The following BAZ1A variants were observed in gnomAD, a reference collection of about 807,000 sequenced individuals.
BAZ1A encodes the protein bromodomain adjacent to zinc finger domain 1A.
BAZ1A carries 50 observed loss-of-function variants against 185.2 expected under a neutral mutation model. That is an observed-to-expected ratio of 0.27 (90% confidence interval 0.22 to 0.34). The LOEUF is 0.34. Among genes scored for constraint, BAZ1A ranks in the 10% least tolerant of loss-of-function variants. BAZ1A has a pLI of 1.00. For missense variants in BAZ1A, 1,356 were observed against 1,839.9 expected, an observed-to-expected ratio of 0.74 and a Z score of 4.81; for synonymous variants, 571 against 615.6, an observed-to-expected ratio of 0.93 and a Z score of 1.07.
chr14:34,822,433 G>A (rs1460887286), intron 4 of BAZ1A, among the ~76,000 whole-genome samples: 2 of 152,148 alleles, frequency 1.3e-5, no homozygotes, highest in Non-Finnish European at 2.9e-5. Context: ...AAACCAGCCT[G>A]AGCAACATGA....
At chr14:34,826,541 AT>A (rs2042168014) in intron 3 of BAZ1A, among the ~76,000 whole-genome samples, 1 of 152,168 alleles carries the variant, frequency 6.6e-6, no homozygotes, top group Admixed American at 6.5e-5. Flanking sequence ...GCTGTATCCC[AT>A]AAATTTTGGT....
At chr14:34,835,140 C>A (rs2042308133) in intron 3 of BAZ1A, among the ~76,000 whole-genome samples, 1 of 151,864 alleles carries the variant, frequency 6.6e-6, no homozygotes, top group Admixed American at 6.5e-5. Context: ...CAGCTCACTG[C>A]AACCCCTGCC....
At position 34,872,941 on chromosome 14, in the gene BAZ1A, A is replaced by AAAAAAAAAAC. The variant is rs1555346584; in HGVS notation, c.113+1550_113+1551insGTTTTTTTTT. Among the ~76,000 whole-genome samples the AAAAAAAAAAC allele has an allele frequency of 3.3e-4, 41 of 122,676 alleles. 2 individuals are homozygous for AAAAAAAAAAC. The highest frequency in any genetic ancestry group is 1.2e-3 in the African/African-American group (38 of 30,814). The allele number at this position is 122,676 out of a possible 152,430, so 80.5% of individuals were successfully genotyped here. A position where few individuals can be genotyped will look rare whatever the true frequency, so the allele number is the denominator to read the frequency against. On this transcript the variant is annotated intron_variant, in intron 2 of 26. Coordinates refer to ENST00000360310, the MANE Select transcript of BAZ1A (RefSeq NM_013448.3). ...AAAAAAAAAAAAAAAAAAAAAAAAAACTTGTCCAATTACCTAATCCAAGTT... is the reference window on the plus strand; with the variant it reads ...AAAAAAAAAAAAAAAAAAAAAAAAAAAAAAAAAAACCTTGTCCAATTACCTAATCCAAGTT...
chr14:34,809,874 T>C lies in BAZ1A; in HGVS notation c.638+1061A>G, dbSNP rs747456960. On this transcript the variant is annotated intron_variant, in intron 5 of 26. Coordinates refer to ENST00000360310, the MANE Select transcript of BAZ1A (RefSeq NM_013448.3). ...AGGAAAATATCTGTAGTCTCAACAA[T>C]TGCTATTCATTAGCCCATAAACTAA... Among the ~76,000 whole-genome samples the C allele has an allele frequency of 7.9e-5, 12 of 152,280 alleles. No individual in the cohort carries two copies. In the South Asian group the frequency reaches 1.0e-3, roughly 13 times the overall value.
chr14:34,831,636 G>A (rs2042243596), intron 3 of BAZ1A, among the ~76,000 whole-genome samples: 1 of 152,096 alleles, frequency 6.6e-6, no homozygotes, highest in Admixed American at 6.6e-5. Flanking sequence ...AAACATAACT[G>A]GTTCCAAAGC....
chr14:34,855,916 A>C (rs2042668766), intron 3 of BAZ1A, among the ~76,000 whole-genome samples: 1 of 152,170 alleles, frequency 6.6e-6, no homozygotes, highest in Non-Finnish European at 1.5e-5. Flanking sequence ...AAAATAAATA[A>C]ATAAGTAAGT....
At chr14:34,868,693 C>T (rs2042900562) in intron 2 of BAZ1A, among the ~76,000 whole-genome samples, 1 of 151,744 alleles carries the variant, frequency 6.6e-6, no homozygotes, top group African/African-American at 2.4e-5. Context: ...CCTAGCTACT[C>T]GGGACGCTGA....
intron 3 of BAZ1A, among the ~76,000 whole-genome samples, chr14:34,839,694 T>C (rs937052234): frequency 2.0e-5 from 3 of 151,258 alleles, no homozygotes; most frequent in Non-Finnish European, 2.9e-5. Flanking sequence ...ATACAAAAAA[T>C]TAGCTGGGCG....
intron 4 of BAZ1A, among the ~76,000 whole-genome samples, chr14:34,815,248 G>A (rs954709515): frequency 8.6e-5 from 13 of 152,034 alleles, no homozygotes; most frequent in Middle Eastern, 3.2e-3. Flanking sequence ...TAATACTTAT[G>A]CAAAATTCTA....
chr14:34,800,471 C>A, intron 8 of BAZ1A, 81 bp from the exon 9 acceptor site: 1 of 1,125,964 alleles, frequency 8.9e-7, no homozygotes, highest in South Asian at 1.6e-5. Flanking sequence ...CAACAGAATC[C>A]TTGAAATAAT....
Position 34,765,153 on chromosome 14 carries a change from G to A in BAZ1A, c.3417C>T (p.Ser1139=), listed in dbSNP as rs757587766. Residue 1139 remains serine (S), a synonymous_variant, in exon 22 of 27, where the codon AGC becomes AGT. Coordinates refer to ENST00000360310, the MANE Select transcript of BAZ1A (RefSeq NM_013448.3). The stretch of plus-strand genomic sequence containing the variant: ...TCAGTATAGATTTAGACCATATCAC[G>A]CTACGATCCAAGGTGGATAGGTGAA... ...VFLHLSTLDR[S]VIWSKSILNA... 1.8e-5 allele frequency: 29 copies of A among 1,614,084 alleles called. No homozygotes were observed. In the East Asian group the frequency reaches 4.0e-4, roughly 22 times the overall value.
At chr14:34,852,082 G>A (rs776118896) in intron 3 of BAZ1A, among the ~76,000 whole-genome samples, 3 of 151,774 alleles carry the variant, frequency 2.0e-5, no homozygotes, top group Non-Finnish European at 4.4e-5. Flanking sequence ...AGCTGAGATC[G>A]TGCCACTGCA....
At chr14:34,788,876 A>G (rs1880666748) in intron 12 of BAZ1A, among the ~76,000 whole-genome samples, 1 of 152,108 alleles carries the variant, frequency 6.6e-6, no homozygotes, top group South Asian at 2.1e-4. Flanking sequence ...TGACTCCCCT[A>G]CCAAAGTTCA....
intron 12 of BAZ1A, among the ~76,000 whole-genome samples, chr14:34,789,930 G>A (rs1022502200): frequency 2.6e-5 from 4 of 152,184 alleles, no homozygotes; most frequent in Non-Finnish European, 5.9e-5. Flanking sequence ...TATTAGCCAT[G>A]TTTCTTCAAA....
intron 3 of BAZ1A, among the ~76,000 whole-genome samples, chr14:34,831,821 A>C (rs1027634429): frequency 5.9e-5 from 9 of 152,190 alleles, no homozygotes; most frequent in African/African-American, 1.9e-4. Flanking sequence ...AAAAAATTGA[A>C]GGAAAAAAAA....
intron 3 of BAZ1A, among the ~76,000 whole-genome samples, chr14:34,858,379 T>G (rs2138809778): frequency 6.6e-6 from 1 of 152,306 alleles, no homozygotes; most frequent in East Asian, 1.9e-4. Context: ...CTCAGCCTCC[T>G]GAGTAACTGG....
chr14:34,759,184 T>TTTTTGTTTTTTTTTG (rs1555336969), intron 24 of BAZ1A, among the ~76,000 whole-genome samples: 1 of 108,028 alleles, frequency 9.3e-6, no homozygotes, highest in East Asian at 2.8e-4. Context: ...TTTTTTTTTT[T>TTTTTGTTTTTTTTTG]TTTTTTTTTT....
chr14:34,818,682 C>G (rs1044560684), intron 4 of BAZ1A, among the ~76,000 whole-genome samples: 3 of 152,108 alleles, frequency 2.0e-5, no homozygotes, highest in Non-Finnish European at 4.4e-5. Flanking sequence ...TCCCATCCCA[C>G]CCAGGACATG....
At chr14:34,867,196 T>C (rs1032208679) in intron 2 of BAZ1A, among the ~76,000 whole-genome samples, 1 of 152,002 alleles carries the variant, frequency 6.6e-6, no homozygotes, top group Non-Finnish European at 1.5e-5. Context: ...AAGGTGGAGG[T>C]TGCAGTGAGC....
Sources: allele counts gnomAD v4.1 joint callset (sites outside exome capture counted in the v4.1 genomes callset), GRCh38; gene constraint gnomAD v4.1.1; transcripts MANE v1.5; gene names NCBI Gene and HGNC (gene_info 2026-07-23, HGNC 2026-07-21).